SGCZ: variants seen among roughly 807,000 people sequenced by gnomAD.
SGCZ encodes zeta-sarcoglycan.
Under a neutral mutation model 41.3 loss-of-function variants are expected in SGCZ, and 40 were observed. The ratio of observed to expected loss-of-function variants is 0.97; its 90% CI spans 0.75 to 1.26. The LOEUF (loss-of-function observed/expected upper bound fraction) is 1.26, where lower values mean the gene tolerates loss of function less well. SGCZ is among the 50% of genes most tolerant of loss of function. The pLI is 0.00. For synonymous variants in SGCZ, 206 were observed against 137.5 expected (o/e 1.50, Z -3.49); for missense variants, 552 against 369.8 (o/e 1.49, Z -4.04).
intron 1 of SGCZ, among the ~76,000 whole-genome samples, chr8:15,221,613 G>T (rs565310716): frequency 6.6e-6 from 1 of 152,240 alleles, no homozygotes; most frequent in South Asian, 2.1e-4. Context: ...AGACACTTTT[G>T]GTGTCATGGT....
intron 1 of SGCZ, among the ~76,000 whole-genome samples, chr8:14,765,967 C>CTTTTTT (rs59212700): frequency 5.7e-5 from 8 of 141,558 alleles, no homozygotes; most frequent in Admixed American, 7.2e-5. Flanking sequence ...ATATGATAGT[C>CTTTTTT]TTTTTTTTTT....
intron 1 of SGCZ, among the ~76,000 whole-genome samples, chr8:14,765,471 T>C (rs941301822): frequency 2.0e-5 from 3 of 152,180 alleles, no homozygotes; most frequent in South Asian, 2.1e-4. Flanking sequence ...TTTAATTCTA[T>C]TGCTATGAAA....
At chr8:15,056,839 T>A (rs1270926648) in intron 1 of SGCZ, among the ~76,000 whole-genome samples, 1 of 152,146 alleles carries the variant, frequency 6.6e-6, no homozygotes, top group African/African-American at 2.4e-5. Context: ...GTGTCAGCAA[T>A]CAAGCACCTG....
chr8:14,115,985 G>A (rs1179067411), intron 5 of SGCZ, among the ~76,000 whole-genome samples: 2 of 152,014 alleles, frequency 1.3e-5, no homozygotes, highest in African/African-American at 4.8e-5. Context: ...CAAATGGAAT[G>A]CACAGCGCTA....
At chr8:14,900,039 C>G (rs1798911656) in intron 1 of SGCZ, among the ~76,000 whole-genome samples, 1 of 152,000 alleles carries the variant, frequency 6.6e-6, no homozygotes, top group Non-Finnish European at 1.5e-5. Context: ...AGATTTTTCT[C>G]CAGTGTTCTG....
chr8:14,395,481 G>C (rs1393202759), intron 2 of SGCZ, among the ~76,000 whole-genome samples: 1 of 152,152 alleles, frequency 6.6e-6, no homozygotes, highest in Non-Finnish European at 1.5e-5. Flanking sequence ...ATCAGCAATG[G>C]CAGAATACAC....
intron 1 of SGCZ, among the ~76,000 whole-genome samples, chr8:14,906,610 A>C (rs1453510415): frequency 6.6e-6 from 1 of 152,214 alleles, no homozygotes; most frequent in Non-Finnish European, 1.5e-5. Context: ...GAAAAGAACA[A>C]ATCACTTTGG....
chr8:15,044,501 A>T (rs1804229523), intron 1 of SGCZ, among the ~76,000 whole-genome samples: 1 of 152,174 alleles, frequency 6.6e-6, no homozygotes, highest in African/African-American at 2.4e-5. Context: ...AAAAATACAT[A>T]CAGAATCAGG....
chr8:14,839,916 T>G (rs1056323048), intron 1 of SGCZ, among the ~76,000 whole-genome samples: 1 of 152,152 alleles, frequency 6.6e-6, no homozygotes, highest in Non-Finnish European at 1.5e-5. Context: ...ATATTAACAT[T>G]TTCTATATTT....
chr8:14,895,567 A>T (rs1371924237), intron 1 of SGCZ, among the ~76,000 whole-genome samples: 2 of 152,294 alleles, frequency 1.3e-5, no homozygotes, highest in African/African-American at 4.8e-5. Flanking sequence ...CTTATTTTGA[A>T]TCTGGAAGAT....
intron 1 of SGCZ, among the ~76,000 whole-genome samples, chr8:15,124,163 A>G (rs1317314585): frequency 6.6e-6 from 1 of 152,252 alleles, no homozygotes; most frequent in Non-Finnish European, 1.5e-5. Flanking sequence ...CTTTAAGAGC[A>G]GAAGACCAGT....
chr8:14,631,291 TTA>T (rs113839309), intron 1 of SGCZ, among the ~76,000 whole-genome samples: 49,921 of 133,134 alleles, frequency 0.37, 8,585 homozygotes, highest in East Asian at 0.64. Context: ...AATTCTTTTT[TTA>T]TTATTATTAT....
chr8:14,442,295 C>G (rs772516473), intron 2 of SGCZ, among the ~76,000 whole-genome samples: 5 of 152,120 alleles, frequency 3.3e-5, no homozygotes, highest in Non-Finnish European at 5.9e-5. Flanking sequence ...ATCATGAGAT[C>G]TGATGGTTTT....
At chr8:15,208,902 T>TATAG (rs1411869670) in intron 1 of SGCZ, among the ~76,000 whole-genome samples, 8,414 of 149,916 alleles carry the variant, frequency 0.056, 255 homozygotes, top group Middle Eastern at 0.094. Context: ...TACATATATA[T>TATAG]AGAGAGAGAG....
At chr8:15,141,870 C>T (rs1369424756) in intron 1 of SGCZ, among the ~76,000 whole-genome samples, 2 of 149,634 alleles carry the variant, frequency 1.3e-5, no homozygotes, top group Admixed American at 1.3e-4. Context: ...CACTGCACTC[C>T]AGCATGGCAA....
intron 1 of SGCZ, among the ~76,000 whole-genome samples, chr8:14,857,822 C>T (rs1317921230): frequency 6.6e-6 from 1 of 152,072 alleles, no homozygotes; most frequent in African/African-American, 2.4e-5. Context: ...GCTGAGACTA[C>T]CCCAGTGCAC....
intron 2 of SGCZ, among the ~76,000 whole-genome samples, chr8:14,363,058 T>C (rs980938012): frequency 2.2e-4 from 34 of 152,264 alleles, no homozygotes; most frequent in African/African-American, 8.2e-4. Context: ...GCCACTTTCA[T>C]GGTAATAGTC....
At chr8:14,947,610 C>A (rs1800495422) in intron 1 of SGCZ, among the ~76,000 whole-genome samples, 1 of 152,106 alleles carries the variant, frequency 6.6e-6, no homozygotes, top group Admixed American at 6.5e-5. Context: ...AGGCGTAGTG[C>A]CCCTTCAGTG....
intron 2 of SGCZ, among the ~76,000 whole-genome samples, chr8:14,410,595 A>G (rs953921374): frequency 2.0e-5 from 3 of 152,018 alleles, no homozygotes; most frequent in African/African-American, 4.8e-5. Context: ...AACATCACAT[A>G]CTGGGGCCTG....
Sources: allele counts gnomAD v4.1 joint callset (sites outside exome capture counted in the v4.1 genomes callset), GRCh38; gene constraint gnomAD v4.1.1; transcripts MANE v1.5; gene names NCBI Gene and HGNC (gene_info 2026-07-23, HGNC 2026-07-21).